SYNE1: variants seen among roughly 807,000 people sequenced by gnomAD.
SYNE1 encodes the protein spectrin repeat containing nuclear envelope protein 1, also known as nesprin-1.
Under a neutral mutation model 1,111.0 loss-of-function variants are expected in SYNE1, and 616 were observed. That is an observed-to-expected ratio of 0.55 (90% CI 0.52 to 0.59). The LOEUF (loss-of-function observed/expected upper bound fraction) is 0.59. Ranked by LOEUF, SYNE1 falls within the 20% of genes least tolerant of loss-of-function variation. The probability of loss-of-function intolerance (pLI) is 0.00; values close to 1 mark genes in which losing one functional copy is unlikely to be tolerated. For synonymous variants in SYNE1, 3,855 were observed against 3,825.8 expected, an observed-to-expected ratio of 1.01 and a Z score of -0.28; for missense variants, 10,006 against 10,417.0, an observed-to-expected ratio of 0.96 and a Z score of 1.72.
chr6:152,324,550 T>C (rs190867057), intron 81 of SYNE1, among the ~76,000 whole-genome samples: 240 of 152,334 alleles, frequency 1.6e-3, no homozygotes, highest in African/African-American at 5.5e-3. Context: ...TCCCAGCACT[T>C]GGCGGGGGCT....
intron 63 of SYNE1, among the ~76,000 whole-genome samples, chr6:152,364,073 C>T (rs977766839): frequency 6.6e-6 from 1 of 152,154 alleles, no homozygotes; most frequent in Non-Finnish European, 1.5e-5. Flanking sequence ...TGGTTTCCCC[C>T]ATGCTGTTCT....
At chr6:152,130,856 A>T in intron 144 of SYNE1, 78 bp from the exon 145 acceptor site, 2 of 1,446,062 alleles carry the variant, frequency 1.4e-6, no homozygotes, top group South Asian at 2.4e-5. Flanking sequence ...AATGAAAATT[A>T]AACTAAAAGT....
At chr6:152,124,557 C>T (rs138088399) in intron 145 of SYNE1, among the ~76,000 whole-genome samples, 1 of 152,088 alleles carries the variant, frequency 6.6e-6, no homozygotes, top group Non-Finnish European at 1.5e-5. Context: ...GTTTACTGTT[C>T]GATGTTTTTG....
Position 152,155,319 on chromosome 6 carries a change from T to C in SYNE1, c.23979-277A>G, listed in dbSNP as rs896799482. The C allele has an allele frequency of 2.1e-5, 9 of 422,576 alleles. 1 individual carries two copies. The highest frequency in any genetic ancestry group is 1.5e-4 in the East Asian group (3 of 20,368). The allele number at this position is 422,576 out of a possible 1,614,324, so 26.2% of individuals were successfully genotyped here. A position where few individuals can be genotyped will look rare whatever the true frequency, so the allele number is the denominator to read the frequency against. Reference sequence around the variant, plus strand: ...TACAAGCACATCACACGAGCTGCCTTGAATGTGTGCACCAAGTTTAGAAAA... The same window carrying C: ...TACAAGCACATCACACGAGCTGCCTCGAATGTGTGCACCAAGTTTAGAAAA... On this transcript the variant is annotated intron_variant, in intron 132 of 145. Coordinates refer to ENST00000367255, the MANE Select transcript of SYNE1 (RefSeq NM_182961.4).
In SYNE1 at chr6:152,461,658, G is replaced by C. The variant is rs1564199868; in HGVS notation, c.2333C>G (p.Pro778Arg). Residue 778 changes from proline (P) to arginine (R), a missense_variant, in exon 21 of 146, where the codon CCC (proline) becomes CGC (arginine). By Grantham distance (103) the Pro-to-Arg change is moderately radical (BLOSUM62 -2). This residue lies in a region of SYNE1 where 1,971 missense variants were observed against 2,084.1 expected (regional missense o/e 0.95). Transcript: ENST00000367255. The part of the protein sequence containing the change: ...KTAHLITKES[P>R]QEEGKEMFAT... ...AAACATTTCTTTTCCTTCTTCTTGG[G>C]GGCTTTCTTTGGTAATGAGGTGTGC... The C allele has an allele frequency of 1.2e-5, 19 of 1,613,736 alleles. No homozygotes were observed. Among genetic ancestry groups the C allele is most frequent in the Non-Finnish European group, 1.6e-5 (19 of 1,179,950 alleles).
In SYNE1 at chr6:152,399,715, G is replaced by A. The variant is rs1029302917; in HGVS notation, c.7138C>T (p.Arg2380Cys). 8 of 1,613,994 alleles carry A rather than the reference G, an allele frequency of 5.0e-6. No individual in the cohort carries two copies. Among genetic ancestry groups the A allele is most frequent in the Admixed American group, 1.7e-5 (1 of 59,990 alleles). Residue 2380 changes from arginine to cysteine, a missense_variant, in exon 48 of 146, where the codon CGT (arginine) becomes TGT (cysteine). Coordinates refer to ENST00000367255, the MANE Select transcript of SYNE1 (RefSeq NM_182961.4). ...YHSAELESLG[R>C]AMTGLIKKHE... ...TTCTTTATCAGACCAGTCATTGCAC[G>A]GCCCAGGCTCTCCAACTCAGCTGAG... is the stretch of plus-strand genomic sequence containing the variant.
intron 131 of SYNE1, among the ~76,000 whole-genome samples, chr6:152,159,933 GTAA>G (rs2062113813): frequency 1.3e-5 from 2 of 152,200 alleles, no homozygotes; most frequent in Admixed American, 1.3e-4. Flanking sequence ...TAGAGCTAGG[GTAA>G]TAATCACTGT....
intron 7 of SYNE1, 86 bp from the exon 8 acceptor site, chr6:152,510,457 G>C (rs1432568721): frequency 6.8e-7 from 1 of 1,464,188 alleles, no homozygotes; most frequent in East Asian, 2.4e-5. Context: ...AGCAACAAAT[G>C]AGTTATGTTA....
At chr6:152,270,974 G>C (rs1034485029) in intron 98 of SYNE1, among the ~76,000 whole-genome samples, 1 of 152,208 alleles carries the variant, frequency 6.6e-6, no homozygotes, top group Admixed American at 6.5e-5. Flanking sequence ...GAAGAGGACA[G>C]CAGGGCTGGC....
At chr6:152,556,645 G>T (rs2099366073) in intron 3 of SYNE1, among the ~76,000 whole-genome samples, 1 of 152,124 alleles carries the variant, frequency 6.6e-6, no homozygotes, top group Admixed American at 6.6e-5. Context: ...TACTCCCATG[G>T]TCCAAAATAT....
At chr6:152,200,950 C>T (rs1024557788) in intron 127 of SYNE1, among the ~76,000 whole-genome samples, 22 of 152,298 alleles carry the variant, frequency 1.4e-4, no homozygotes, top group Admixed American at 1.4e-3. Flanking sequence ...TAACAATTAT[C>T]ATCTCTTAAA....
At chr6:152,406,944 C>T in intron 45 of SYNE1, 70 bp downstream of exon 45, 2 of 967,418 alleles carry the variant, frequency 2.1e-6, no homozygotes, top group East Asian at 3.4e-5. Context: ...TTAAGAAAGA[C>T]TTTTTTTTTT....
At chr6:152,581,357 A>G (rs2099518665) in intron 3 of SYNE1, among the ~76,000 whole-genome samples, 1 of 152,222 alleles carries the variant, frequency 6.6e-6, no homozygotes, top group Admixed American at 6.5e-5. Context: ...AGTTACCCAG[A>G]GAGAGACCAG....
chr6:152,443,893 T>C (rs915615288), intron 30 of SYNE1, among the ~76,000 whole-genome samples: 2 of 152,236 alleles, frequency 1.3e-5, no homozygotes, highest in African/African-American at 4.8e-5. Context: ...TCAGTATATA[T>C]ACCAGAATTT....
chr6:152,495,518 C>T (rs1371574208), intron 11 of SYNE1, among the ~76,000 whole-genome samples: 1 of 152,186 alleles, frequency 6.6e-6, no homozygotes, highest in African/African-American at 2.4e-5. Context: ...TACTTTTAAA[C>T]TTAACTTCCT....
intron 11 of SYNE1, among the ~76,000 whole-genome samples, chr6:152,496,393 C>T (rs779525583): frequency 5.9e-5 from 9 of 152,060 alleles, no homozygotes; most frequent in Admixed American, 2.6e-4. Flanking sequence ...TACGCTGAAC[C>T]GCCTTGGGCA....
Position 152,369,424 on chromosome 6 carries a change from G to A in SYNE1, c.9651+47C>T, listed in dbSNP as rs1873176. 844,203 of 1,612,906 alleles carry A rather than the reference G, an allele frequency of 0.52. 225,079 individuals carry two copies. Among genetic ancestry groups the A allele is most frequent in the Non-Finnish European group, 0.55 (652,469 of 1,179,448 alleles). Reference sequence around the variant, plus strand: ...TGCATCTGTAAGGTCGACAGAGGACGGACAAAGACTAGGTCAGATGGGGCT... The same window carrying A: ...TGCATCTGTAAGGTCGACAGAGGACAGACAAAGACTAGGTCAGATGGGGCT... On this transcript the variant is annotated intron_variant, in intron 60 of 145. Transcript: ENST00000367255.
At chr6:152,326,659 A>C in intron 78 of SYNE1, 26 bp from the exon 79 acceptor site, 5 of 1,592,774 alleles carry the variant, frequency 3.1e-6, no homozygotes, top group Non-Finnish European at 4.3e-6. Flanking sequence ...TGCAAACATA[A>C]TCAACTCTCC....
In SYNE1 at chr6:152,487,490, T is replaced by C. The variant is rs921865200; in HGVS notation, c.1047+906A>G. Among the ~76,000 whole-genome samples, 12 of 152,150 alleles carry C rather than the reference T, an allele frequency of 7.9e-5. 1 individual carries two copies. Among genetic ancestry groups the C allele is most frequent in the Admixed American group, 6.5e-4 (10 of 15,272 alleles). ...TGATTCTGTGTCTTTGCTATTGAAA[T>C]CACACTTTGTAAATGGGAATAAACT... On this transcript the variant is annotated intron_variant, in intron 12 of 145. Transcript: ENST00000367255.
Sources: gnomAD v4.1 joint callset for allele counts (sites outside exome capture counted in the v4.1 genomes callset) on GRCh38, gnomAD v4.1.1 for gene constraint, gnomAD v4.1.1 regional missense constraint, MANE v1.5 for transcripts, NCBI Gene and HGNC (gene_info 2026-07-23, HGNC 2026-07-21) for gene names.